The following MTDH variants were observed in gnomAD, a reference collection of about 807,000 sequenced individuals.
MTDH encodes the protein metadherin.
In MTDH, 34 loss-of-function variants were observed where a neutral mutation model predicts 72.7. The observed-to-expected ratio is 0.47, with a 90% CI of 0.36 to 0.62. MTDH has a LOEUF of 0.62. Ranked by LOEUF, MTDH falls within the 20% of genes least tolerant of loss-of-function variation. The pLI, the probability that MTDH is intolerant of heterozygous loss-of-function variation, is 0.00. For synonymous variants in MTDH, 266 were observed against 268.9 expected (o/e 0.99, Z 0.10); for missense variants, 677 against 699.4 (o/e 0.97, Z 0.36).
rs35895126 is a variant in MTDH at position 97,678,594 on chromosome 8, C to CTTTTTTTTTTTTTTTTTTTTTTT, written c.484-8072_484-8050dup. On this transcript the variant is annotated intron_variant, in intron 2 of 11. Transcript: ENST00000336273. ...GTTTCCTTTGCTTCCTTCCTTCCTT[C>CTTTTTTTTTTTTTTTTTTTTTTT]TTTTTTTTTTTTTTTTTTTTTTTTG... 1.2e-4 allele frequency among the ~76,000 whole-genome samples: 10 copies of CTTTTTTTTTTTTTTTTTTTTTTT among 85,324 alleles called. 2 individuals carry two copies. In the East Asian group the frequency reaches 2.5e-3, roughly 21 times the overall value. 56.0% of individuals were successfully genotyped at this position (85,324 alleles called of 152,430 possible). A position where few individuals can be genotyped will look rare whatever the true frequency, so the allele number is the denominator to read the frequency against.
At chr8:97,703,466 G>C (rs2131040392) in intron 7 of MTDH, among the ~76,000 whole-genome samples, 1 of 152,252 alleles carries the variant, frequency 6.6e-6, no homozygotes, top group Admixed American at 6.5e-5. Context: ...CCACTCAATT[G>C]CCTAAACTTT....
intron 5 of MTDH, 85 bp downstream of exon 5, chr8:97,689,188 C>A: frequency 4.5e-6 from 3 of 664,548 alleles, no homozygotes; most frequent in South Asian, 2.6e-5. Flanking sequence ...ATGAATGACA[C>A]AGAAGGAAAG....
intron 2 of MTDH, among the ~76,000 whole-genome samples, chr8:97,677,502 AAAG>A (rs557445576): frequency 0.028 from 4,257 of 149,580 alleles, 219 homozygotes; most frequent in African/African-American, 0.1. Context: ...AAAAAAAAAA[AAAG>A]AAAGAAAGAA....
At chr8:97,662,598 C>T (rs1040357283) in intron 2 of MTDH, among the ~76,000 whole-genome samples, 2 of 151,400 alleles carry the variant, frequency 1.3e-5, no homozygotes, top group African/African-American at 4.8e-5. Context: ...CCAGCCTGGC[C>T]AACATGATGA....
chr8:97,708,231 C>A lies in MTDH; in HGVS notation c.1272+1481C>A, dbSNP rs577319753. Among the ~76,000 whole-genome samples, 64 of 134,560 alleles carry A rather than the reference C, an allele frequency of 4.8e-4. No homozygotes were observed. In the South Asian group the frequency reaches 0.016, roughly 33 times the overall value. The allele number at this position is 134,560 out of a possible 152,430, so 88.3% of individuals were successfully genotyped here. A position where few individuals can be genotyped will look rare whatever the true frequency, so the allele number is the denominator to read the frequency against. On this transcript the variant is annotated intron_variant, in intron 8 of 11. Transcript: ENST00000336273. The stretch of plus-strand genomic sequence containing the variant: ...CCACCTGCCTCAGCCTCCCAAAGTG[C>A]TGGGATTACAGGCATGAGCCACCAT...
At chr8:97,646,466 G>A (rs1811567001) in intron 1 of MTDH, among the ~76,000 whole-genome samples, 1 of 151,026 alleles carries the variant, frequency 6.6e-6, no homozygotes, top group South Asian at 2.1e-4. Flanking sequence ...CCAAGGTAAG[G>A]AAAGAAGGTG....
chr8:97,646,410 T>TA (rs1811564585), intron 1 of MTDH, among the ~76,000 whole-genome samples: 1 of 152,218 alleles, frequency 6.6e-6, no homozygotes, highest in African/African-American at 2.4e-5. Context: ...TATCAAGAAT[T>TA]ACCAATTATC....
intron 1 of MTDH, 114 bp downstream of exon 1, chr8:97,645,001 C>G (rs910643495): frequency 8.2e-7 from 1 of 1,213,196 alleles, no homozygotes; most frequent in African/African-American, 1.6e-5. Flanking sequence ...AGTCGAAAGC[C>G]GAGAGGCAGC....
intron 2 of MTDH, 51 bp from the exon 3 acceptor site, chr8:97,686,617 C>A: frequency 3.4e-6 from 4 of 1,177,282 alleles, no homozygotes; most frequent in Non-Finnish European, 3.5e-6. Context: ...CTGACTCCTA[C>A]TTATTCAAAA....
intron 1 of MTDH, among the ~76,000 whole-genome samples, chr8:97,652,165 C>G (rs1026346936): frequency 1.8e-4 from 27 of 152,332 alleles, no homozygotes; most frequent in Non-Finnish European, 1.0e-4. Context: ...CACTATGCTG[C>G]CTAAAACCAA....
At chr8:97,718,571 A>G (rs1814975804) in intron 9 of MTDH, among the ~76,000 whole-genome samples, 1 of 144,110 alleles carries the variant, frequency 6.9e-6, no homozygotes, top group South Asian at 2.2e-4. Flanking sequence ...CCCAGGCTGG[A>G]GTGCAATGGT....
At chr8:97,671,910 G>A (rs1352345962) in intron 2 of MTDH, among the ~76,000 whole-genome samples, 3 of 152,138 alleles carry the variant, frequency 2.0e-5, no homozygotes, top group Non-Finnish European at 2.9e-5. Flanking sequence ...AGAGTATCGT[G>A]TGACCCAGAG....
At chr8:97,678,643 C>T (rs1340404578) in intron 2 of MTDH, among the ~76,000 whole-genome samples, 2 of 115,332 alleles carry the variant, frequency 1.7e-5, no homozygotes, top group Non-Finnish European at 3.3e-5. Flanking sequence ...ATTGCTTAGT[C>T]ACCCAGGCTG....
At position 97,713,696 on chromosome 8, in the gene MTDH, C is replaced by T. The variant is rs779757709; in HGVS notation, c.1307C>T (p.Ala436Val). ...GATGATAAAGAAAAGGGAGAGGGAGCTCTTCCAACTGGGAAATCCAAAAAG... is the reference window on the plus strand; with the variant it reads ...GATGATAAAGAAAAGGGAGAGGGAGTTCTTCCAACTGGGAAATCCAAAAAG... Reference protein sequence around the residue: ...SDDDKEKGEGALPTGKSKKKK... With the variant: ...SDDDKEKGEGVLPTGKSKKKK... Residue 436 changes from alanine (A) to valine (V), a missense_variant, in exon 9 of 12, where the codon GCT becomes GTT. By Grantham distance (64) the Ala-to-Val change is moderately conservative. Coordinates refer to ENST00000336273, the MANE Select transcript of MTDH (RefSeq NM_178812.4). The T allele has an allele frequency of 3.1e-6, 5 of 1,607,408 alleles. No individual in the cohort carries two copies. In the South Asian group the frequency reaches 3.3e-5, roughly 11 times the overall value.
chr8:97,666,747 G>A (rs1017525831), intron 2 of MTDH, among the ~76,000 whole-genome samples: 1 of 152,090 alleles, frequency 6.6e-6, no homozygotes, highest in African/African-American at 2.4e-5. Context: ...GCCCAGGGTG[G>A]AGTGCAGTGG....
rs1454336974 is a variant in MTDH, at chr8:97,681,188, G to C, written c.484-5480G>C. ...CATCGGTAGGGGAGCAGATGATTCA[G>C]GTGCAAAGAAAATCACTCCAGCACT... On this transcript the variant is annotated intron_variant, in intron 2 of 11. Coordinates refer to ENST00000336273, the MANE Select transcript of MTDH (RefSeq NM_178812.4). 3.3e-5 allele frequency among the ~76,000 whole-genome samples: 5 copies of C among 152,074 alleles called. No homozygotes were observed. The East Asian group carries it at 5.8e-4, about 18-fold the overall frequency.
chr8:97,660,781 TTTG>T (rs1812142699), intron 1 of MTDH, among the ~76,000 whole-genome samples: 1 of 152,100 alleles, frequency 6.6e-6, no homozygotes. Context: ...CAAACACAGT[TTTG>T]TTCTCCTTTT....
intron 7 of MTDH, among the ~76,000 whole-genome samples, chr8:97,701,204 C>T (rs188761591): frequency 2.5e-4 from 38 of 152,200 alleles, no homozygotes; most frequent in African/African-American, 8.2e-4. Context: ...CTGTAAATTA[C>T]AGTCATCTCT....
intron 2 of MTDH, among the ~76,000 whole-genome samples, chr8:97,670,381 G>C (rs1812563580): frequency 6.6e-6 from 1 of 152,162 alleles, no homozygotes; most frequent in South Asian, 2.1e-4. Context: ...CACTTTGGGA[G>C]GCTGAGGTGG....
Sources: allele counts gnomAD v4.1 joint callset (sites outside exome capture counted in the v4.1 genomes callset), GRCh38; gene constraint gnomAD v4.1.1; transcripts MANE v1.5; gene names NCBI Gene and HGNC (gene_info 2026-07-23, HGNC 2026-07-21).